ATG7: variants seen among roughly 807,000 people sequenced by gnomAD.
ATG7 encodes the protein autophagy related 7, also known as ubiquitin-like modifier-activating enzyme ATG7.
Under a neutral mutation model 82.4 loss-of-function variants are expected in ATG7, and 70 were observed. The ratio of observed to expected loss-of-function variants is 0.85; its 90% confidence interval spans 0.70 to 1.04. The LOEUF is 1.04. Ranked by LOEUF, ATG7 falls within the 50% of genes least tolerant of loss-of-function variation. ATG7 has a pLI of 0.00. For synonymous variants in ATG7, 287 were observed against 313.0 expected (o/e 0.92, Z 0.88); for missense variants, 792 against 864.3 (o/e 0.92, Z 1.05).
intron 11 of ATG7, among the ~76,000 whole-genome samples, chr3:11,333,904 C>T (rs990212096): frequency 1.3e-5 from 2 of 151,842 alleles, no homozygotes; most frequent in African/African-American, 4.8e-5. Context: ...CCCACTACCA[C>T]GCCCGGATAA....
chr3:11,395,972 G>C (rs1202025315), intron 19 of ATG7, among the ~76,000 whole-genome samples: 1 of 144,176 alleles, frequency 6.9e-6, no homozygotes, highest in East Asian at 2.2e-4. Context: ...AAAAGGTAGG[G>C]GGGGAAGAGT....
chr3:11,528,388 A>G (rs2092627564), intron 20 of ATG7, among the ~76,000 whole-genome samples: 1 of 152,234 alleles, frequency 6.6e-6, no homozygotes, highest in Admixed American at 6.5e-5. Context: ...ACAGTCACCA[A>G]TATCCGGGAA....
intron 20 of ATG7, among the ~76,000 whole-genome samples, chr3:11,479,399 C>T (rs971488327): frequency 4.6e-5 from 7 of 152,142 alleles, no homozygotes; most frequent in African/African-American, 1.4e-4. Flanking sequence ...CTTGGAAAGG[C>T]CACACACCAT....
intron 7 of ATG7, among the ~76,000 whole-genome samples, chr3:11,309,417 A>G (rs1948282874): frequency 6.6e-6 from 1 of 151,906 alleles, no homozygotes; most frequent in South Asian, 2.1e-4. Flanking sequence ...AGAGGAGATC[A>G]CACTGCATAG....
chr3:11,557,019 G>A lies in ATG7; in HGVS notation c.*2176G>A, dbSNP rs752789024. The A allele has an allele frequency of 2.6e-5, 4 of 152,518 alleles. No individual in the cohort carries two copies. Among genetic ancestry groups the A allele is most frequent in the African/African-American group, 9.6e-5 (4 of 41,458 alleles). The allele number at this position is 152,518 out of a possible 1,614,324, so 9.4% of individuals were successfully genotyped here. A position where few individuals can be genotyped will look rare whatever the true frequency, so the allele number is the denominator to read the frequency against. Reference sequence around the variant, plus strand: ...ACTGTAAAACCGGGGGTCATACGGTGTGCAGAGTCCACAAAGCCTTGCAGG... The same window carrying A: ...ACTGTAAAACCGGGGGTCATACGGTATGCAGAGTCCACAAAGCCTTGCAGG... On this transcript the variant is annotated 3_prime_UTR_variant, in exon 21 of 21. Coordinates refer to ENST00000693202, the MANE Select transcript of ATG7 (RefSeq NM_001349232.2).
intron 19 of ATG7, among the ~76,000 whole-genome samples, chr3:11,393,547 T>C (rs548594181): frequency 1.6e-4 from 25 of 152,358 alleles, no homozygotes; most frequent in Non-Finnish European, 2.8e-4. Context: ...TTGTATAATG[T>C]TGCCAGCCAT....
chr3:11,475,141 T>C (rs557033920), intron 20 of ATG7, among the ~76,000 whole-genome samples: 3 of 152,230 alleles, frequency 2.0e-5, no homozygotes, highest in South Asian at 2.1e-4. Context: ...TATATTGTTA[T>C]TGTTATTGAC....
At chr3:11,300,231 A>G (rs1946578556) in intron 5 of ATG7, among the ~76,000 whole-genome samples, 1 of 152,132 alleles carries the variant, frequency 6.6e-6, no homozygotes, top group Non-Finnish European at 1.5e-5. Context: ...CACCCAGCCA[A>G]GAGACACATT....
chr3:11,559,656 GC>G (rs2072787288), downstream of ATG7, among the ~76,000 whole-genome samples: 1 of 152,234 alleles, frequency 6.6e-6, no homozygotes, highest in Non-Finnish European at 1.5e-5. Context: ...GTGTGTAGTG[GC>G]CCTTGGTCGT....
chr3:11,535,909 A>G (rs931765202), intron 20 of ATG7, among the ~76,000 whole-genome samples: 1 of 152,190 alleles, frequency 6.6e-6, no homozygotes, highest in Non-Finnish European at 1.5e-5. Context: ...CCCAAAGCTT[A>G]TGCTCCTTAG....
intron 20 of ATG7, among the ~76,000 whole-genome samples, chr3:11,516,143 G>A (rs796299614): frequency 5.3e-5 from 8 of 151,936 alleles, no homozygotes; most frequent in African/African-American, 1.9e-4. Context: ...GAGATGGAAA[G>A]AATGCATCCC....
At chr3:11,475,242 TC>T (rs2088014426) in intron 20 of ATG7, among the ~76,000 whole-genome samples, 15 of 152,128 alleles carry the variant, frequency 9.9e-5, no homozygotes, top group Admixed American at 9.8e-4. Context: ...CCTACTGTGT[TC>T]CAGTCATGCG....
chr3:11,374,633 T>C (rs1465248681), intron 18 of ATG7, among the ~76,000 whole-genome samples: 1 of 151,958 alleles, frequency 6.6e-6, no homozygotes, highest in Non-Finnish European at 1.5e-5. Flanking sequence ...AGTCCATGTG[T>C]GGTGGCTCAC....
chr3:11,329,778 GT>G (rs1951384798), intron 9 of ATG7, among the ~76,000 whole-genome samples: 1 of 152,108 alleles, frequency 6.6e-6, no homozygotes, highest in South Asian at 2.1e-4. Context: ...CGGTTCATTT[GT>G]CAAAACTAAG....
intron 20 of ATG7, among the ~76,000 whole-genome samples, chr3:11,468,665 A>G (rs2087086416): frequency 6.6e-6 from 1 of 152,082 alleles, no homozygotes; most frequent in Non-Finnish European, 1.5e-5. Flanking sequence ...CCACTACTTC[A>G]TTCTTTCAAG....
intron 1 of ATG7, among the ~76,000 whole-genome samples, chr3:11,274,554 G>A (rs1427596730): frequency 6.6e-6 from 1 of 152,158 alleles, no homozygotes; most frequent in Non-Finnish European, 1.5e-5. Context: ...TGGAGTGCCA[G>A]TGTGGAGGTG....
downstream of ATG7, among the ~76,000 whole-genome samples, chr3:11,561,707 C>A (rs1425664416): frequency 6.6e-6 from 1 of 152,018 alleles, no homozygotes; most frequent in East Asian, 1.9e-4. Context: ...AAATGAAGGC[C>A]AGAAACACCC....
At chr3:11,536,187 G>C (rs1284968357) in intron 20 of ATG7, among the ~76,000 whole-genome samples, 1 of 152,240 alleles carries the variant, frequency 6.6e-6, no homozygotes, top group Non-Finnish European at 1.5e-5. Flanking sequence ...GATTGGAGGA[G>C]AACCGAGAGG....
chr3:11,340,339 A>T (rs897068813), intron 11 of ATG7, among the ~76,000 whole-genome samples: 3 of 151,660 alleles, frequency 2.0e-5, no homozygotes, highest in Non-Finnish European at 4.4e-5. Flanking sequence ...AACTTCCAAT[A>T]ACAGTGAAAG....
Sources: allele counts gnomAD v4.1 joint callset (sites outside exome capture counted in the v4.1 genomes callset), GRCh38; gene constraint gnomAD v4.1.1; transcripts MANE v1.5; gene names NCBI Gene and HGNC (gene_info 2026-07-23, HGNC 2026-07-21).